The following PAK5 variants were observed in gnomAD, a reference collection of about 807,000 sequenced individuals.
PAK5 encodes serine/threonine-protein kinase PAK 5.
In PAK5, 16 loss-of-function variants were observed where a neutral mutation model predicts 65.9. The ratio of observed to expected loss-of-function variants is 0.24; its 90% CI spans 0.16 to 0.37. The LOEUF is 0.37. PAK5 is among the 10% of genes least tolerant of loss of function. The probability of loss-of-function intolerance (pLI) is 1.00; values close to 1 mark genes in which losing one functional copy is unlikely to be tolerated. For synonymous variants in PAK5, 371 were observed against 354.9 expected, an observed-to-expected ratio of 1.05 and a Z score of -0.51; for missense variants, 785 against 903.9, an observed-to-expected ratio of 0.87 and a Z score of 1.69.
chr20:9,571,475 C>T (rs1038340188), intron 4 of PAK5, among the ~76,000 whole-genome samples: 11 of 152,218 alleles, frequency 7.2e-5, no homozygotes, highest in Non-Finnish European at 1.6e-4. Flanking sequence ...TCCAAGGGGA[C>T]GACATAACCT....
intron 1 of PAK5, among the ~76,000 whole-genome samples, chr20:9,731,262 C>T (rs1410099066): frequency 6.6e-6 from 1 of 152,094 alleles, no homozygotes; most frequent in Non-Finnish European, 1.5e-5. Flanking sequence ...TTTAAATTTT[C>T]CAGTAGCTGC....
intron 3 of PAK5, among the ~76,000 whole-genome samples, chr20:9,590,796 A>T (rs1230027066): frequency 6.6e-6 from 1 of 151,812 alleles, no homozygotes; most frequent in Admixed American, 6.6e-5. Context: ...TGGCCAAGTC[A>T]ATTGACTAGA....
chr20:9,784,535 T>C (rs1298343039), intron 1 of PAK5: 1 of 152,094 alleles, frequency 6.6e-6, no homozygotes, highest in Non-Finnish European at 1.5e-5. Context: ...AAAAATCTTC[T>C]TTGTAAATAG....
rs148094362 is a variant in PAK5, at chr20:9,743,059, T to G, written c.-161-31624A>C. On this transcript the variant is annotated intron_variant, in intron 1 of 9. Transcript: ENST00000353224. ...ACTTTAGTCATGTAGGCTCCCTACCTGTGTGACTAATAAAGTATAAAAAAC... is the reference window on the plus strand; with the variant it reads ...ACTTTAGTCATGTAGGCTCCCTACCGGTGTGACTAATAAAGTATAAAAAAC... Among the ~76,000 whole-genome samples, 603 of 152,304 alleles carry G rather than the reference T, an allele frequency of 4.0e-3. 9 individuals carry two copies. Among genetic ancestry groups the G allele is most frequent in the Non-Finnish European group, 5.1e-3 (346 of 68,022 alleles).
At chr20:9,615,688 T>A (rs912668725) in intron 3 of PAK5, among the ~76,000 whole-genome samples, 1 of 152,186 alleles carries the variant, frequency 6.6e-6, no homozygotes, top group Admixed American at 6.5e-5. Flanking sequence ...ACTCTTTGAT[T>A]TTGCATAATC....
At chr20:9,596,113 A>C (rs2046258952) in intron 3 of PAK5, among the ~76,000 whole-genome samples, 3 of 152,216 alleles carry the variant, frequency 2.0e-5, no homozygotes. Flanking sequence ...GATTTTTAAA[A>C]AATTCCTCTC....
At chr20:9,554,211 A>T (rs1292288023) in intron 7 of PAK5, among the ~76,000 whole-genome samples, 1 of 152,210 alleles carries the variant, frequency 6.6e-6, no homozygotes, top group Non-Finnish European at 1.5e-5. Context: ...TCTCACACTG[A>T]GGAGGACTCT....
chr20:9,590,926 G>C (rs1185334456), intron 3 of PAK5, among the ~76,000 whole-genome samples: 1 of 152,160 alleles, frequency 6.6e-6, no homozygotes, highest in African/African-American at 2.4e-5. Context: ...GGCAACAGTA[G>C]GTGTTGTGGG....
rs193259578 is a variant in PAK5 at position 9,613,603 on chromosome 20, T to A, written c.204+30522A>T. Among the ~76,000 whole-genome samples the A allele has an allele frequency of 7.5e-3, 1,141 of 152,362 alleles. 22 individuals carry two copies. The highest frequency in any genetic ancestry group is 0.025 in the African/African-American group (1,048 of 41,584). Reference sequence around the variant, plus strand: ...GGGAAAAAGAAACCACTTAAAAATATGCCATAGCATTTAGTTCTTAACAAG... The same window carrying A: ...GGGAAAAAGAAACCACTTAAAAATAAGCCATAGCATTTAGTTCTTAACAAG... On this transcript the variant is annotated intron_variant, in intron 3 of 9. Transcript: ENST00000353224.
intron 2 of PAK5, among the ~76,000 whole-genome samples, chr20:9,706,662 T>C (rs2048011951): frequency 6.6e-6 from 1 of 151,546 alleles, no homozygotes; most frequent in East Asian, 1.9e-4. Flanking sequence ...TTTTTTCTTT[T>C]TTTTTTTTGC....
chr20:9,631,462 C>T (rs2046920529), intron 3 of PAK5, among the ~76,000 whole-genome samples: 1 of 152,170 alleles, frequency 6.6e-6, no homozygotes, highest in African/African-American at 2.4e-5. Flanking sequence ...AGCAAGCTGT[C>T]ACGCATTCTG....
At chr20:9,783,487 C>T (rs926845922) in intron 1 of PAK5, among the ~76,000 whole-genome samples, 2 of 152,154 alleles carry the variant, frequency 1.3e-5, no homozygotes, top group African/African-American at 4.8e-5. Flanking sequence ...TCTGTTTCAT[C>T]ATTCTAACCA....
At chr20:9,587,291 T>C (rs146292815) in intron 3 of PAK5, among the ~76,000 whole-genome samples, 114 of 152,304 alleles carry the variant, frequency 7.5e-4, no homozygotes, top group African/African-American at 2.7e-3. Context: ...AAAGTACTAT[T>C]AGTAACTTTA....
rs1265766988 is a variant in PAK5 at position 9,766,542 on chromosome 20, TATATATA to T, written c.-161-55114_-161-55108del. Among the ~76,000 whole-genome samples, 41 of 138,606 alleles carry T rather than the reference TATATATA, an allele frequency of 3.0e-4. 1 individual carries two copies. Among genetic ancestry groups the T allele is most frequent in the Non-Finnish European group, 4.7e-4 (31 of 65,346 alleles). 90.9% of individuals were successfully genotyped at this position (138,606 alleles called of 152,430 possible). On this transcript the variant is annotated intron_variant, in intron 1 of 9. Transcript: ENST00000353224. ...AGCAGAATATATATATATATATATA[TATATATA>T]TTTTCAAGCAGAATGGACAATGGAA...
chr20:9,661,878 C>A (rs2047351802), intron 2 of PAK5, among the ~76,000 whole-genome samples: 1 of 152,096 alleles, frequency 6.6e-6, no homozygotes, highest in Non-Finnish European at 1.5e-5. Flanking sequence ...CTCCTACAAC[C>A]ACAAAAGGTA....
intron 1 of PAK5, among the ~76,000 whole-genome samples, chr20:9,739,365 C>T (rs1248385516): frequency 2.0e-5 from 3 of 151,720 alleles, no homozygotes; most frequent in Admixed American, 1.3e-4. Flanking sequence ...TCTTGTTATA[C>T]AGAGATAACA....
chr20:9,771,869 C>A (rs1287484392), intron 1 of PAK5, among the ~76,000 whole-genome samples: 1 of 152,064 alleles, frequency 6.6e-6, no homozygotes, highest in African/African-American at 2.4e-5. Context: ...AAAACTCTAT[C>A]TCCACAAAAA....
chr20:9,657,266 C>T (rs1347576028), intron 2 of PAK5, among the ~76,000 whole-genome samples: 1 of 152,098 alleles, frequency 6.6e-6, no homozygotes. Context: ...TGGGATGGTC[C>T]TGTTTCCCTC....
intron 1 of PAK5, among the ~76,000 whole-genome samples, chr20:9,799,597 G>T (rs1286788011): frequency 2.0e-5 from 3 of 152,046 alleles, no homozygotes; most frequent in Admixed American, 6.6e-5. Context: ...CACAGTGTGA[G>T]ACAGAGATTT....
Sources: allele counts gnomAD v4.1 joint callset (sites outside exome capture counted in the v4.1 genomes callset), GRCh38; gene constraint gnomAD v4.1.1; transcripts MANE v1.5; gene names NCBI Gene and HGNC (gene_info 2026-07-23, HGNC 2026-07-21).